Variants in TGM7 observed in about 807,000 individuals in gnomAD.
TGM7 encodes the protein protein-glutamine gamma-glutamyltransferase Z.
Under a neutral mutation model 79.5 loss-of-function variants are expected in TGM7, and 74 were observed. The observed-to-expected ratio is 0.93, with a 90% CI of 0.77 to 1.13. TGM7 has a LOEUF of 1.13. TGM7 is among the 50% of genes most tolerant of loss of function. TGM7 has a pLI of 0.00. For missense variants in TGM7, 912 were observed against 905.9 expected (o/e 1.01, Z -0.09); for synonymous variants, 354 against 362.5 (o/e 0.98, Z 0.27).
At chr15:43,277,997 T>TG (rs2042886471) in intron 11 of TGM7, among the ~76,000 whole-genome samples, 1 of 152,266 alleles carries the variant, frequency 6.6e-6, no homozygotes, top group African/African-American at 2.4e-5. Context: ...GGCAGGGCCC[T>TG]GGCCACAGCC....
At position 43,279,854 on chromosome 15, in the gene TGM7, C is replaced by T. The variant is rs1489001304; in HGVS notation, c.1449G>A (p.Gly483=). The T allele has an allele frequency of 6.2e-7, 1 of 1,614,242 alleles. No individual in the cohort carries two copies. Among genetic ancestry groups the T allele is most frequent in the South Asian group, 1.1e-5 (1 of 91,084 alleles). Residue 483 remains glycine (G), a synonymous_variant, in exon 10 of 13, where the codon GGG becomes GGA. Transcript: ENST00000452443. ...SLPFLDLLES[G]GLRDQPAQLQ... Reference sequence around the variant, plus strand: ...GCTGCGCTGGCTGATCCCTAAGACCCCCAGACTCCAGGAGATCCAGGAAGG... The same window carrying T: ...GCTGCGCTGGCTGATCCCTAAGACCTCCAGACTCCAGGAGATCCAGGAAGG...
chr15:43,279,578 C>T (rs776067250), intron 10 of TGM7, 47 bp downstream of exon 10: 30 of 1,527,318 alleles, frequency 2.0e-5, no homozygotes, highest in Non-Finnish European at 2.5e-5. Flanking sequence ...CATGGACCCA[C>T]AGCTCCCCTC....
rs765625546 is a variant in TGM7, at chr15:43,279,225, C to T, written c.1731G>A (p.Thr577=). The T allele has an allele frequency of 6.8e-6, 11 of 1,614,132 alleles. 1 individual carries two copies. The Middle Eastern group carries it at 6.6e-4, about 97-fold the overall frequency. The change falls in exon 11 of 13, where the codon ACG becomes ACA. Residue 577 remains threonine, a synonymous_variant. Coordinates refer to ENST00000452443, the MANE Select transcript of TGM7 (RefSeq NM_052955.3). ...LPYSNYRNKL[T]DEKLIRVSGI... ...CAGACACGCGGATGAGCTTTTCGTC[C>T]GTTAGCTTGTTTCTGTAATTGCTGT...
chr15:43,286,318 C>T (rs1380618408), intron 6 of TGM7, among the ~76,000 whole-genome samples: 5 of 152,136 alleles, frequency 3.3e-5, no homozygotes, highest in Non-Finnish European at 7.4e-5. Flanking sequence ...GGGTGGTGGA[C>T]CTCGTCCTTC....
At position 43,292,863 on chromosome 15, in the gene TGM7, G is replaced by A. The variant is rs1276811427; in HGVS notation, c.285C>T (p.Thr95=). 1 of 1,614,086 alleles carries A rather than the reference G, an allele frequency of 6.2e-7. No individual in the cohort carries two copies. The highest frequency in any genetic ancestry group is 8.5e-7 in the Non-Finnish European group (1 of 1,180,040). ...PGNVWSASDF[T]IDSNSLQVSL... The stretch of plus-strand genomic sequence containing the variant: ...AAACTTGGAGAGAGTTGGAGTCAAT[G>A]GTGAAATCAGAAGCGCTCCAGACAT... Residue 95 remains threonine (T), a synonymous_variant, in exon 3 of 13, where the codon ACC becomes ACT. Transcript: ENST00000452443.
intron 4 of TGM7, among the ~76,000 whole-genome samples, chr15:43,287,925 C>T (rs566927250): frequency 6.6e-6 from 1 of 152,056 alleles, no homozygotes; most frequent in Non-Finnish European, 1.5e-5. Context: ...GAGTGAGAGA[C>T]CCCCCTCGGC....
At chr15:43,293,695 G>A in intron 1 of TGM7, 64 bp from the exon 2 acceptor site, 1 of 1,322,710 alleles carries the variant, frequency 7.6e-7, no homozygotes, top group Non-Finnish European at 9.8e-7. Context: ...CATCCCTTGT[G>A]GCTTCTCAGT....
intron 6 of TGM7, among the ~76,000 whole-genome samples, chr15:43,286,188 G>A (rs542977049): frequency 4.6e-5 from 7 of 152,284 alleles, no homozygotes; most frequent in South Asian, 2.1e-4. Flanking sequence ...CTTAGCAGGC[G>A]TGGGAGCTAC....
At position 43,282,454 on chromosome 15, in the gene TGM7, C is replaced by A. The variant is rs548326172; in HGVS notation, c.1108+63G>T. 1.5e-5 allele frequency: 21 copies of A among 1,424,552 alleles called. No homozygotes were observed. In the African/African-American group the frequency reaches 2.8e-4, roughly 19 times the overall value. 88.2% of individuals were successfully genotyped at this position (1,424,552 alleles called of 1,614,324 possible). A position where few individuals can be genotyped will look rare whatever the true frequency, so the allele number is the denominator to read the frequency against. On this transcript the variant is annotated intron_variant, in intron 8 of 12. Coordinates refer to ENST00000452443, the MANE Select transcript of TGM7 (RefSeq NM_052955.3). ...GCTCCTCCCTGGTCTCCTGCTCCCA[C>A]GGCCAGTCACCCTAATCTGCCTCCC... is the stretch of plus-strand genomic sequence containing the variant.
At chr15:43,277,570 C>G (rs2042884529) in intron 11 of TGM7, among the ~76,000 whole-genome samples, 1 of 152,240 alleles carries the variant, frequency 6.6e-6, no homozygotes. Context: ...TCTTCATAAA[C>G]ATCAGCAGGG....
intron 12 of TGM7, 69 bp from the exon 13 acceptor site, chr15:43,276,683 C>T: frequency 1.9e-6 from 3 of 1,563,038 alleles, no homozygotes; most frequent in Non-Finnish European, 2.6e-6. Context: ...ATCTGGTTCC[C>T]CTCTGGGTGG....
At chr15:43,284,976 C>A (rs766874739) in intron 6 of TGM7, 24 bp from the exon 7 acceptor site, 2 of 1,612,328 alleles carry the variant, frequency 1.2e-6, no homozygotes, top group Non-Finnish European at 1.7e-6. Flanking sequence ...TATAGAGAAT[C>A]GCTGAGTTCA....
At chr15:43,300,479 A>G (rs573740104) in intron 1 of TGM7, among the ~76,000 whole-genome samples, 9 of 152,300 alleles carry the variant, frequency 5.9e-5, no homozygotes, top group African/African-American at 1.7e-4. Flanking sequence ...TTTTCCAAGT[A>G]AGTGAATATT....
intron 1 of TGM7, among the ~76,000 whole-genome samples, chr15:43,300,221 A>C (rs771714907): frequency 1.3e-5 from 2 of 152,228 alleles, no homozygotes; most frequent in Non-Finnish European, 2.9e-5. Flanking sequence ...TATCTAGTTA[A>C]TACTAAGTTT....
At chr15:43,289,145 T>C (rs1035516596) in intron 4 of TGM7, among the ~76,000 whole-genome samples, 1 of 152,122 alleles carries the variant, frequency 6.6e-6, no homozygotes, top group African/African-American at 2.4e-5. Context: ...ATGTGCCATG[T>C]TGGTGTGCTG....
chr15:43,297,587 TAGAAAGAAAGAAAGAAAGAA>T (rs3038034), intron 1 of TGM7, among the ~76,000 whole-genome samples: 7 of 114,570 alleles, frequency 6.1e-5, no homozygotes, highest in African/African-American at 2.5e-4. Flanking sequence ...TCTGCATGTA[TAGAAAGAAAGAAAGAAAGAA>T]AGAAAGAAAG....
Position 43,293,553 on chromosome 15 carries a change from A to T in TGM7, c.89T>A (p.Val30Asp), listed in dbSNP as rs200426492. 1.9e-6 allele frequency: 3 copies of T among 1,610,948 alleles called. No individual in the cohort carries two copies. Among genetic ancestry groups the T allele is most frequent in the Non-Finnish European group, 2.5e-6 (3 of 1,179,558 alleles). The part of the protein sequence containing the change: ...NKEHHTQEMG[V>D]KRLTVRRGQP... The stretch of plus-strand genomic sequence containing the variant: ...GCCGCGGCGCACAGTGAGCCGCTTG[A>T]CGCCCATCTCCTGCGTGTGGTGCTC... Residue 30 changes from valine to aspartate, a missense_variant, in exon 2 of 13, where the codon GTC becomes GAC. Val to Asp is a radical substitution (Grantham distance 152). Transcript: ENST00000452443.
chr15:43,276,984 C>T lies in TGM7; in HGVS notation c.1851G>A (p.Arg617=). The T allele has an allele frequency of 2.5e-6, 4 of 1,614,010 alleles. No homozygotes were observed. The East Asian group carries it at 6.7e-5, about 27-fold the overall frequency. The part of the protein sequence containing the change: ...PPHLSIEVSE[R]AEVGKALRVH... Reference sequence around the variant, plus strand: ...CTCTCAGCGCCTTGCCCACCTCAGCCCTCTCAGACACCTGTGTGGAGAGAA... The same window carrying T: ...CTCTCAGCGCCTTGCCCACCTCAGCTCTCTCAGACACCTGTGTGGAGAGAA... Residue 617 remains arginine, a synonymous_variant, in exon 12 of 13, where the codon AGG becomes AGA. Coordinates refer to ENST00000452443, the MANE Select transcript of TGM7 (RefSeq NM_052955.3).
intron 7 of TGM7, among the ~76,000 whole-genome samples, chr15:43,283,465 G>A (rs1045360438): frequency 2.1e-5 from 3 of 139,580 alleles, no homozygotes; most frequent in South Asian, 4.5e-4. Context: ...ACAATCTCTC[G>A]CTCTCTCTCT....
Sources: gnomAD v4.1 joint callset for allele counts (sites outside exome capture counted in the v4.1 genomes callset) on GRCh38, gnomAD v4.1.1 for gene constraint, MANE v1.5 for transcripts, NCBI Gene and HGNC (gene_info 2026-07-23, HGNC 2026-07-21) for gene names.